Variants in CHST11 observed in about 807,000 individuals in gnomAD.
The protein encoded by CHST11 is carbohydrate sulfotransferase 11, also known as C4S-1.
Under a neutral mutation model 30.4 loss-of-function variants are expected in CHST11, and 9 were observed. The ratio of observed to expected loss-of-function variants is 0.30; its 90% confidence interval spans 0.18 to 0.52. CHST11 has a LOEUF of 0.52. Ranked by LOEUF, CHST11 falls within the 20% of genes least tolerant of loss-of-function variation. The probability of loss-of-function intolerance (pLI) is 0.97; values close to 1 mark genes in which losing one functional copy is unlikely to be tolerated. For synonymous variants in CHST11, 152 were observed against 187.8 expected (o/e 0.81, Z 1.56); for missense variants, 348 against 460.6 (o/e 0.76, Z 2.24).
At chr12:104,509,806 T>A (rs1223824255) in intron 1 of CHST11, among the ~76,000 whole-genome samples, 1 of 152,216 alleles carries the variant, frequency 6.6e-6, no homozygotes, top group East Asian at 1.9e-4. Context: ...ATTGCCTGTG[T>A]TATTTAAGGT....
Position 104,690,554 on chromosome 12 carries a change from G to A in CHST11, c.205-66395G>A, listed in dbSNP as rs1010112781. 5.3e-5 allele frequency among the ~76,000 whole-genome samples: 8 copies of A among 152,292 alleles called. No homozygotes were observed. In the South Asian group the frequency reaches 8.3e-4, roughly 16 times the overall value. ...TGAAAAGAGATACGAGACTGGGCGC[G>A]TTGGCTCATGCCTGTAATCCCAGCA... On this transcript the variant is annotated intron_variant, in intron 2 of 2. Coordinates refer to ENST00000303694, the MANE Select transcript of CHST11 (RefSeq NM_018413.6).
At chr12:104,731,595 G>A (rs775526258) in intron 2 of CHST11, among the ~76,000 whole-genome samples, 3 of 152,228 alleles carry the variant, frequency 2.0e-5, no homozygotes, top group Non-Finnish European at 4.4e-5. Flanking sequence ...CAAACTGGGT[G>A]TAAACCCCCG....
chr12:104,635,893 C>A (rs899051657), intron 2 of CHST11, among the ~76,000 whole-genome samples: 12 of 152,208 alleles, frequency 7.9e-5, no homozygotes, highest in Non-Finnish European at 1.3e-4. Context: ...GAAAACAGCT[C>A]CCAGGCCAAC....
intron 2 of CHST11, among the ~76,000 whole-genome samples, chr12:104,718,974 T>C (rs757341064): frequency 6.6e-6 from 1 of 152,164 alleles, no homozygotes; most frequent in African/African-American, 2.4e-5. Flanking sequence ...TCTCCGACTT[T>C]CCAGGGTGCA....
chr12:104,738,356 C>T (rs1408799905), intron 2 of CHST11, among the ~76,000 whole-genome samples: 6 of 152,322 alleles, frequency 3.9e-5, no homozygotes, highest in Middle Eastern at 3.4e-3. Context: ...TGGCCTTCGG[C>T]GCCAGCTCAC....
At chr12:104,457,674 C>T in intron 1 of CHST11, 145 bp downstream of exon 1, 1 of 680,364 alleles carries the variant, frequency 1.5e-6, no homozygotes. Flanking sequence ...CTCCTGGCTG[C>T]CCAGATCTAC....
intron 2 of CHST11, among the ~76,000 whole-genome samples, chr12:104,683,467 C>T (rs769144912): frequency 2.6e-5 from 4 of 152,158 alleles, no homozygotes; most frequent in Non-Finnish European, 5.9e-5. Context: ...CTCTAAAGGT[C>T]TAAATCCAGC....
intron 2 of CHST11, among the ~76,000 whole-genome samples, chr12:104,680,807 C>T (rs1673408624): frequency 6.6e-6 from 1 of 152,194 alleles, no homozygotes; most frequent in Non-Finnish European, 1.5e-5. Flanking sequence ...CTAGCTGGGC[C>T]CACATCTTTG....
Position 104,669,232 on chromosome 12 carries a change from G to A in CHST11, c.204+67241G>A, listed in dbSNP as rs552030503. Among the ~76,000 whole-genome samples the A allele has an allele frequency of 7.2e-5, 11 of 152,082 alleles. No individual in the cohort carries two copies. In the East Asian group the frequency reaches 7.7e-4, roughly 11 times the overall value. ...CACTCCCCTCCCCTTCTCCTGCCCC[G>A]CCAGCTCCACGCCCTCCTGAATGTT... On this transcript the variant is annotated intron_variant, in intron 2 of 2. Coordinates refer to ENST00000303694, the MANE Select transcript of CHST11 (RefSeq NM_018413.6).
At chr12:104,673,359 C>T (rs1302629816) in intron 2 of CHST11, among the ~76,000 whole-genome samples, 1 of 152,170 alleles carries the variant, frequency 6.6e-6, no homozygotes, top group Admixed American at 6.5e-5. Context: ...TTAACACTGA[C>T]TTGAGGCTTT....
At chr12:104,721,257 TG>T in intron 2 of CHST11, among the ~76,000 whole-genome samples, 1 of 152,214 alleles carries the variant, frequency 6.6e-6, no homozygotes, top group East Asian at 1.9e-4. Flanking sequence ...AAGTCTCTGG[TG>T]GGGCTTATCT....
chr12:104,526,947 G>A (rs1337200420), intron 1 of CHST11, among the ~76,000 whole-genome samples: 1 of 152,140 alleles, frequency 6.6e-6, no homozygotes, highest in Non-Finnish European at 1.5e-5. Context: ...TCCTCCCTGG[G>A]TCCTCAGCGG....
intron 2 of CHST11, among the ~76,000 whole-genome samples, chr12:104,683,485 A>T (rs2039817245): frequency 6.6e-6 from 1 of 152,188 alleles, no homozygotes; most frequent in Non-Finnish European, 1.5e-5. Context: ...AGCTGTGGCT[A>T]CACTGAACAA....
intron 2 of CHST11, among the ~76,000 whole-genome samples, chr12:104,749,336 C>G (rs1405193928): frequency 6.6e-6 from 1 of 152,202 alleles, no homozygotes; most frequent in Non-Finnish European, 1.5e-5. Context: ...CCCTTTTGTC[C>G]TTGCTGCTAG....
chr12:104,539,861 A>G (rs2038270676), intron 1 of CHST11, among the ~76,000 whole-genome samples: 1 of 152,196 alleles, frequency 6.6e-6, no homozygotes, highest in South Asian at 2.1e-4. Flanking sequence ...TTCTTTAGAG[A>G]TAGGGTCTCA....
chr12:104,663,422 C>G (rs2039614834), intron 2 of CHST11, among the ~76,000 whole-genome samples: 1 of 152,060 alleles, frequency 6.6e-6, no homozygotes, highest in African/African-American at 2.4e-5. Context: ...GTAAAAATCA[C>G]CAGCAAATCC....
At chr12:104,698,294 C>T (rs1275014096) in intron 2 of CHST11, among the ~76,000 whole-genome samples, 1 of 152,172 alleles carries the variant, frequency 6.6e-6, no homozygotes, top group African/African-American at 2.4e-5. Context: ...CCTCCTCACC[C>T]ACATGACTCC....
chr12:104,493,092 C>G (rs1328504965), intron 1 of CHST11, among the ~76,000 whole-genome samples: 1 of 151,968 alleles, frequency 6.6e-6, no homozygotes. Flanking sequence ...GAAATGCACA[C>G]TTACCTATAG....
intron 2 of CHST11, among the ~76,000 whole-genome samples, chr12:104,691,195 C>G (rs546682662): frequency 6.6e-6 from 1 of 152,264 alleles, no homozygotes; most frequent in Non-Finnish European, 1.5e-5. Flanking sequence ...CCCAATAAGG[C>G]ACGGGAAGGG....
Sources: gnomAD v4.1 joint callset for allele counts (sites outside exome capture counted in the v4.1 genomes callset) on GRCh38, gnomAD v4.1.1 for gene constraint, MANE v1.5 for transcripts, NCBI Gene and HGNC (gene_info 2026-07-23, HGNC 2026-07-21) for gene names.